The following PLCB4 variants were observed in gnomAD, a reference collection of about 807,000 sequenced individuals.
PLCB4 encodes the protein 1-phosphatidylinositol 4,5-bisphosphate phosphodiesterase beta-4.
In PLCB4, 77 loss-of-function variants were observed where a neutral mutation model predicts 178.8. The ratio of observed to expected loss-of-function variants is 0.43; its 90% CI spans 0.36 to 0.52. The LOEUF (loss-of-function observed/expected upper bound fraction) is 0.52. PLCB4 is among the 20% of genes least tolerant of loss of function. The pLI, the probability that PLCB4 is intolerant of heterozygous loss-of-function variation, is 0.00. For synonymous variants in PLCB4, 496 were observed against 490.8 expected, an observed-to-expected ratio of 1.01 and a Z score of -0.14; for missense variants, 1,024 against 1,453.4, an observed-to-expected ratio of 0.70 and a Z score of 4.80.
intron 1 of PLCB4, among the ~76,000 whole-genome samples, chr20:9,095,819 G>A (rs1403653387): frequency 6.6e-6 from 1 of 152,076 alleles, no homozygotes; most frequent in Non-Finnish European, 1.5e-5. Context: ...GAAAGAGGTA[G>A]CAGCTCATAG....
In PLCB4 at chr20:9,384,246, A is replaced by T. The variant is rs964443618; in HGVS notation, c.899A>T (p.Glu300Val). 77 of 1,614,062 alleles carry T rather than the reference A, an allele frequency of 4.8e-5. No individual in the cohort carries two copies. Among genetic ancestry groups the T allele is most frequent in the Non-Finnish European group, 6.5e-5 (77 of 1,180,000 alleles). The change falls in exon 14 of 40, where the codon GAA becomes GTA. Residue 300 changes from glutamate (E) to valine (V), a missense_variant. This residue lies in a region of PLCB4 where 263 missense variants were observed against 417.4 expected (regional missense o/e 0.63). Coordinates refer to ENST00000378473, the MANE Select transcript of PLCB4 (RefSeq NM_001377142.1). ...TTTTGCAGATATCTGATGTCAGATG[A>T]AAACGCCCCAGTCTTCCTAGATCGT... is the stretch of plus-strand genomic sequence containing the variant. ...DGFCRYLMSD[E>V]NAPVFLDRLE...
intron 32 of PLCB4, among the ~76,000 whole-genome samples, chr20:9,445,234 G>A (rs1352411050): frequency 6.6e-6 from 1 of 152,184 alleles, no homozygotes; most frequent in Non-Finnish European, 1.5e-5. Flanking sequence ...ATAACCAGCT[G>A]CTGCTGGTAG....
intron 3 of PLCB4, among the ~76,000 whole-genome samples, chr20:9,222,531 A>G (rs1166326472): frequency 6.6e-6 from 1 of 152,236 alleles, no homozygotes; most frequent in East Asian, 1.9e-4. Context: ...CTTCATTAAG[A>G]CAGCGAAAAG....
chr20:9,276,031 T>G (rs2094447442), intron 3 of PLCB4, among the ~76,000 whole-genome samples: 1 of 151,206 alleles, frequency 6.6e-6, no homozygotes, highest in East Asian at 2.0e-4. Flanking sequence ...CAGTAGGGAG[T>G]GGGAAGGTGA....
At chr20:9,134,809 A>G (rs948700541) in intron 2 of PLCB4, among the ~76,000 whole-genome samples, 1 of 152,134 alleles carries the variant, frequency 6.6e-6, no homozygotes, top group Non-Finnish European at 1.5e-5. Flanking sequence ...TATTCTACTC[A>G]TCTTCCCTAT....
At chr20:9,094,280 T>C (rs1489466635) in intron 1 of PLCB4, among the ~76,000 whole-genome samples, 3 of 152,182 alleles carry the variant, frequency 2.0e-5, no homozygotes, top group African/African-American at 7.2e-5. Flanking sequence ...CAACTAAATA[T>C]ATATTTGTTA....
At chr20:9,334,917 G>T (rs1036783589) in intron 4 of PLCB4, among the ~76,000 whole-genome samples, 3 of 152,070 alleles carry the variant, frequency 2.0e-5, no homozygotes, top group South Asian at 4.1e-4. Flanking sequence ...AGGAAGAAAA[G>T]AATTTTGTAT....
At chr20:9,230,323 G>A (rs1247088278) in intron 3 of PLCB4, among the ~76,000 whole-genome samples, 1 of 152,094 alleles carries the variant, frequency 6.6e-6, no homozygotes, top group Non-Finnish European at 1.5e-5. Flanking sequence ...TTCAACATAT[G>A]AAATTTGAGG....
In PLCB4 at chr20:9,280,498, TCA is replaced by T. The variant is rs1261677955; in HGVS notation, c.-15-27300_-15-27299del. On this transcript the variant is annotated intron_variant, in intron 3 of 39. Transcript: ENST00000378473. ...GGAGGTGGGTGTCTCTGTCCTAATT[TCA>T]CTGGGTTTCTCATCCCATTAGTTGA... is the stretch of plus-strand genomic sequence containing the variant. 6 of 973,416 alleles carry T rather than the reference TCA, an allele frequency of 6.2e-6. No homozygotes were observed. The African/African-American group carries it at 1.1e-4, about 17-fold the overall frequency. 60.3% of individuals were successfully genotyped at this position (973,416 alleles called of 1,614,324 possible).
At chr20:9,119,122 C>T (rs1040769222) in intron 2 of PLCB4, among the ~76,000 whole-genome samples, 2 of 152,124 alleles carry the variant, frequency 1.3e-5, no homozygotes, top group African/African-American at 4.8e-5. Context: ...TTATTAAGTA[C>T]ATTTTATGGG....
At chr20:9,131,753 A>T (rs1275265826) in intron 2 of PLCB4, among the ~76,000 whole-genome samples, 1 of 152,136 alleles carries the variant, frequency 6.6e-6, no homozygotes, top group African/African-American at 2.4e-5. Flanking sequence ...CTTGTCTATT[A>T]TATTCCTCAT....
At position 9,462,459 on chromosome 20, in the gene PLCB4, A is replaced by C. The variant is rs535433572; in HGVS notation, c.3248+2649A>C. On this transcript the variant is annotated intron_variant, in intron 35 of 39. Transcript: ENST00000378473. ...TGGGCTTCAAAAGGTCAGTAATAAC[A>C]AACTTCTCTGAGCTAAAGGAGCATG... Among the ~76,000 whole-genome samples, 31 of 152,312 alleles carry C rather than the reference A, an allele frequency of 2.0e-4. No homozygotes were observed. The South Asian group carries it at 6.2e-3, about 31-fold the overall frequency.
chr20:9,373,242 C>T, intron 12 of PLCB4, 138 bp downstream of exon 12: 1 of 530,360 alleles, frequency 1.9e-6, no homozygotes, highest in Non-Finnish European at 3.4e-6. Context: ...ATGGCTTTAC[C>T]AGGTGCAAAA....
chr20:9,092,124 C>A (rs2090711240), intron 1 of PLCB4, among the ~76,000 whole-genome samples: 1 of 152,048 alleles, frequency 6.6e-6, no homozygotes, highest in African/African-American at 2.4e-5. Flanking sequence ...TAGTGATGTT[C>A]CATTTCTGGT....
In PLCB4 at chr20:9,169,886, C is replaced by G. The variant is rs191617075; in HGVS notation, c.-78-47504C>G. 1.3e-3 allele frequency among the ~76,000 whole-genome samples: 198 copies of G among 152,226 alleles called. 1 individual carries two copies. Among genetic ancestry groups the G allele is most frequent in the Middle Eastern group, 3.4e-3 (1 of 294 alleles). Reference sequence around the variant, plus strand: ...TCCATCCACTTATCCCTCTGTCTTTCACTGTCTTATTTTTGATGGATTTAA... The same window carrying G: ...TCCATCCACTTATCCCTCTGTCTTTGACTGTCTTATTTTTGATGGATTTAA... On this transcript the variant is annotated intron_variant, in intron 2 of 39. Transcript: ENST00000378473.
At chr20:9,111,852 A>G (rs768751455) in intron 2 of PLCB4, among the ~76,000 whole-genome samples, 1 of 152,190 alleles carries the variant, frequency 6.6e-6, no homozygotes. Flanking sequence ...AATTACTTTG[A>G]TTTAAAATGG....
intron 30 of PLCB4, 44 bp downstream of exon 30, chr20:9,437,196 A>T (rs1208739898): frequency 6.5e-7 from 1 of 1,550,054 alleles, no homozygotes; most frequent in Non-Finnish European, 8.9e-7. Context: ...CACCCACCTT[A>T]ATTACACAGT....
At chr20:9,187,918 A>G (rs61587420) in intron 2 of PLCB4, among the ~76,000 whole-genome samples, 1 of 152,328 alleles carries the variant, frequency 6.6e-6, no homozygotes, top group Admixed American at 6.5e-5. Flanking sequence ...TAGGTCTCTC[A>G]GTTTTAATAC....
intron 2 of PLCB4, among the ~76,000 whole-genome samples, chr20:9,107,778 G>A (rs745478117): frequency 9.2e-5 from 14 of 152,142 alleles, no homozygotes; most frequent in Non-Finnish European, 1.8e-4. Context: ...GAAGACTCAC[G>A]TTGGCTGCTG....
Sources: gnomAD v4.1 joint callset for allele counts (sites outside exome capture counted in the v4.1 genomes callset) on GRCh38, gnomAD v4.1.1 for gene constraint, gnomAD v4.1.1 regional missense constraint, MANE v1.5 for transcripts, NCBI Gene and HGNC (gene_info 2026-07-23, HGNC 2026-07-21) for gene names.